The following CFAP61 variants were observed in gnomAD, a reference collection of about 807,000 sequenced individuals.
CFAP61 encodes the protein cilia- and flagella-associated protein 61.
CFAP61 carries 107 observed loss-of-function variants against 135.6 expected under a neutral mutation model. That is an observed-to-expected ratio of 0.79 (90% CI 0.67 to 0.93). The LOEUF is 0.93. Ranked by LOEUF, CFAP61 falls within the 40% of genes least tolerant of loss-of-function variation. The probability of loss-of-function intolerance (pLI) is 0.00; values close to 1 mark genes in which losing one functional copy is unlikely to be tolerated. For synonymous variants in CFAP61, 575 were observed against 578.5 expected, an observed-to-expected ratio of 0.99 and a Z score of 0.09; for missense variants, 1,507 against 1,556.2, an observed-to-expected ratio of 0.97 and a Z score of 0.53.
chr20:20,087,601 T>G (rs946610987), intron 6 of CFAP61, among the ~76,000 whole-genome samples: 10 of 152,136 alleles, frequency 6.6e-5, no homozygotes, highest in African/African-American at 2.2e-4. Context: ...GTGCAGTGAT[T>G]CAAGCTTCTG....
At chr20:20,120,751 C>T (rs1469498382) in intron 8 of CFAP61, among the ~76,000 whole-genome samples, 4 of 152,120 alleles carry the variant, frequency 2.6e-5, no homozygotes, top group African/African-American at 7.2e-5. Context: ...ACTACTATTA[C>T]GTTGCAGTCT....
chr20:20,101,248 C>T (rs2047997420), intron 8 of CFAP61, among the ~76,000 whole-genome samples: 1 of 152,224 alleles, frequency 6.6e-6, no homozygotes, highest in Non-Finnish European at 1.5e-5. Context: ...TATAATTTCT[C>T]TAAAATATGA....
chr20:20,337,091 A>G (rs1221285248), intron 25 of CFAP61, among the ~76,000 whole-genome samples: 1 of 152,256 alleles, frequency 6.6e-6, no homozygotes, highest in Non-Finnish European at 1.5e-5. Context: ...GAAGAGAGGG[A>G]GAAAAGTTTA....
chr20:20,085,529 G>C (rs773256105), intron 6 of CFAP61: 2 of 1,366,258 alleles, frequency 1.5e-6, no homozygotes, highest in Non-Finnish European at 2.0e-6. Flanking sequence ...AGAAGAATTC[G>C]TGTTGAGGTA....
intron 2 of CFAP61, among the ~76,000 whole-genome samples, chr20:20,069,459 T>G (rs1296849428): frequency 3.9e-5 from 6 of 152,154 alleles, no homozygotes; most frequent in Non-Finnish European, 8.8e-5. Context: ...TTTATATTTT[T>G]AGTCAAGATG....
intron 9 of CFAP61, among the ~76,000 whole-genome samples, chr20:20,143,417 T>C (rs1418257275): frequency 6.6e-6 from 1 of 152,006 alleles, no homozygotes; most frequent in Non-Finnish European, 1.5e-5. Flanking sequence ...GAGATGTGAG[T>C]CTTTTAAAGA....
At chr20:20,209,857 C>T (rs2047508812) in intron 17 of CFAP61, among the ~76,000 whole-genome samples, 1 of 152,086 alleles carries the variant, frequency 6.6e-6, no homozygotes, top group Non-Finnish European at 1.5e-5. Context: ...AGTGCCTGTC[C>T]TCACAGGAAT....
At chr20:20,072,399 G>A (rs2146571283) in intron 3 of CFAP61, among the ~76,000 whole-genome samples, 1 of 152,160 alleles carries the variant, frequency 6.6e-6, no homozygotes, top group East Asian at 1.9e-4. Context: ...ACAGGTGTGA[G>A]CCACTGTGCC....
At chr20:20,354,952 G>GTC (rs1569329498) in intron 26 of CFAP61, among the ~76,000 whole-genome samples, 886 of 16,180 alleles carry the variant, frequency 0.055, 1 homozygote, top group South Asian at 0.13. Flanking sequence ...TGGTCACACT[G>GTC]AGGGGAAGTG....
intron 13 of CFAP61, among the ~76,000 whole-genome samples, chr20:20,184,363 G>A (rs1229673279): frequency 6.6e-6 from 1 of 152,198 alleles, no homozygotes; most frequent in Non-Finnish European, 1.5e-5. Context: ...GCCATGAGGT[G>A]GCAGCAGTGA....
At position 20,067,783 on chromosome 20, in the gene CFAP61, T is replaced by C. The variant is rs1463306526; in HGVS notation, c.144-3071T>C. Among the ~76,000 whole-genome samples the C allele has an allele frequency of 1.3e-4, 18 of 139,234 alleles. No individual in the cohort carries two copies. In the East Asian group the frequency reaches 2.2e-3, roughly 17 times the overall value. 91.3% of individuals were successfully genotyped at this position (139,234 alleles called of 152,430 possible). On this transcript the variant is annotated intron_variant, in intron 2 of 26. Transcript: ENST00000245957. ...TTATTATATATGTATTTATTATATA[T>C]ATATATATACCTACCTTCTCCCTCT... is the stretch of plus-strand genomic sequence containing the variant.
intron 25 of CFAP61, among the ~76,000 whole-genome samples, chr20:20,323,588 A>G (rs2057625916): frequency 6.6e-6 from 1 of 152,248 alleles, no homozygotes; most frequent in African/African-American, 2.4e-5. Flanking sequence ...GCACAGAGCC[A>G]GTATCCAAAA....
chr20:20,150,159 C>T (rs1343716797), intron 9 of CFAP61, among the ~76,000 whole-genome samples: 2 of 151,408 alleles, frequency 1.3e-5, no homozygotes, highest in African/African-American at 4.9e-5. Flanking sequence ...TGGAACATAA[C>T]CCCATGCGCC....
chr20:20,086,722 A>G (rs2046829527), intron 6 of CFAP61, among the ~76,000 whole-genome samples: 1 of 152,182 alleles, frequency 6.6e-6, no homozygotes, highest in African/African-American at 2.4e-5. Context: ...CTGCTGGGTT[A>G]CATGCTAAAG....
chr20:20,224,645 C>T (rs1452723495), intron 17 of CFAP61, among the ~76,000 whole-genome samples: 8 of 152,058 alleles, frequency 5.3e-5, no homozygotes, highest in Non-Finnish European at 7.4e-5. Context: ...GCTGAGATCG[C>T]GCCATTGCAC....
At chr20:20,116,432 G>A (rs1322117230) in intron 8 of CFAP61, among the ~76,000 whole-genome samples, 2 of 151,988 alleles carry the variant, frequency 1.3e-5, no homozygotes, top group South Asian at 2.1e-4. Context: ...TTTTTAACTC[G>A]ACGTAATGCC....
At chr20:20,137,943 C>G (rs1385072405) in intron 8 of CFAP61, among the ~76,000 whole-genome samples, 3 of 152,070 alleles carry the variant, frequency 2.0e-5, no homozygotes, top group Admixed American at 6.5e-5. Context: ...TATTCAGGGC[C>G]CAGGGGCTCT....
chr20:20,264,245 C>T (rs1250016755), intron 21 of CFAP61, among the ~76,000 whole-genome samples: 1 of 152,070 alleles, frequency 6.6e-6, no homozygotes, highest in African/African-American at 2.4e-5. Context: ...TTATGCATTG[C>T]TTGTCAGGTT....
chr20:20,293,951 C>G (rs1461610942), intron 24 of CFAP61, among the ~76,000 whole-genome samples: 2 of 152,122 alleles, frequency 1.3e-5, no homozygotes, highest in Admixed American at 6.5e-5. Flanking sequence ...AATTCCAGAA[C>G]CATTTTCCAA....
Sources: gnomAD v4.1 joint callset for allele counts (sites outside exome capture counted in the v4.1 genomes callset) on GRCh38, gnomAD v4.1.1 for gene constraint, MANE v1.5 for transcripts, NCBI Gene and HGNC (gene_info 2026-07-23, HGNC 2026-07-21) for gene names.